The following PRDM15 variants were observed in gnomAD, a reference collection of about 807,000 sequenced individuals.
PRDM15 encodes PR domain zinc finger protein 15.
PRDM15 carries 64 observed loss-of-function variants against 128.6 expected under a neutral mutation model. The ratio of observed to expected loss-of-function variants is 0.50; its 90% confidence interval spans 0.41 to 0.61. The LOEUF is 0.61. Ranked by LOEUF, PRDM15 falls within the 20% of genes least tolerant of loss-of-function variation. The pLI, the probability that PRDM15 is intolerant of heterozygous loss-of-function variation, is 0.00. For synonymous variants in PRDM15, 615 were observed against 621.8 expected, an observed-to-expected ratio of 0.99 and a Z score of 0.16; for missense variants, 1,242 against 1,569.1, an observed-to-expected ratio of 0.79 and a Z score of 3.52.
In PRDM15 at chr21:41,835,492, AGT is replaced by A; in HGVS notation, c.1309_1310del (p.Thr437LeufsTer2). 2 of 1,610,556 alleles carry A rather than the reference AGT, an allele frequency of 1.2e-6. No homozygotes were observed. The highest frequency in any genetic ancestry group is 1.7e-6 in the Non-Finnish European group (2 of 1,179,780). ...TCTCGATGCGGAAGGTCTTCTCACAAGTGCCGCAGCGGTACCTGTACTCGCCG... is the reference window on the plus strand; with the variant it reads ...TCTCGATGCGGAAGGTCTTCTCACAAGCCGCAGCGGTACCTGTACTCGCCG... ...VDGEYRYRCG[T>X]CEKTFRIESA... On this transcript the variant is annotated frameshift_variant, in exon 11 of 24. Coordinates refer to ENST00000398548, the MANE Select transcript of PRDM15 (RefSeq NM_001040424.3). LOFTEE classifies it high-confidence loss of function.
At chr21:41,871,514 C>T (rs201021233) in intron 1 of PRDM15, 5 of 1,605,740 alleles carry the variant, frequency 3.1e-6, no homozygotes, top group East Asian at 2.2e-5. Flanking sequence ...GGCAGGATTG[C>T]GTCGCAGGCC....
chr21:41,806,413 C>G (rs2061633413), intron 21 of PRDM15, among the ~76,000 whole-genome samples: 1 of 46,722 alleles, frequency 2.1e-5, no homozygotes, highest in Non-Finnish European at 4.9e-5. Context: ...CCACCACCAT[C>G]ACCACCACCA....
chr21:41,876,189 G>T (rs2064407585), intron 1 of PRDM15, among the ~76,000 whole-genome samples: 1 of 152,184 alleles, frequency 6.6e-6, no homozygotes, highest in Non-Finnish European at 1.5e-5. Context: ...GAACACCACT[G>T]ATCAAAACAG....
chr21:41,828,834 C>T lies in PRDM15; in HGVS notation c.1367-501G>A, dbSNP rs1348508604. 1.3e-5 allele frequency among the ~76,000 whole-genome samples: 2 copies of T among 151,972 alleles called. No homozygotes were observed. Among genetic ancestry groups the T allele is most frequent in the Admixed American group, 1.3e-4 (2 of 15,260 alleles). ...CCCCTCCCAACTCCTTCCCCGTGGGCGGGCATCAATGTGCCCATATTCCCC... is the reference window on the plus strand; with the variant it reads ...CCCCTCCCAACTCCTTCCCCGTGGGTGGGCATCAATGTGCCCATATTCCCC... On this transcript the variant is annotated intron_variant, in intron 11 of 23. Transcript: ENST00000398548. This position sits in a 1 kb window ranked among gnomAD's most constrained non-coding sequence, Gnocchi z 5.7.
In PRDM15 at chr21:41,801,548, T is replaced by C. The variant is rs1442499037; in HGVS notation, c.3118A>G (p.Ile1040Val). ...ACGGTATCAAAGGTCACGGTCAGGA[T>C]TGAGTTGTCCAGCTGTAACTGGCGT... ...PERQLQLDNS[I>V]LTVTFDTVSG... The change falls in exon 24 of 24, where the codon ATC (isoleucine) becomes GTC (valine). Residue 1040 changes from isoleucine (I) to valine (V), a missense_variant. Around this residue, in one of 3 missense-constraint regions of PRDM15, gnomAD observed 602 missense variants for 788.3 expected, o/e 0.76. Transcript: ENST00000398548. The C allele has an allele frequency of 4.3e-6, 7 of 1,613,876 alleles. No individual in the cohort carries two copies. In the South Asian group the frequency reaches 5.5e-5, roughly 13 times the overall value.
chr21:41,837,037 T>C (rs962225595), intron 8 of PRDM15: 1 of 156,444 alleles, frequency 6.4e-6, no homozygotes, highest in Non-Finnish European at 1.4e-5. Flanking sequence ...CCCTGTTAAA[T>C]GTATTTTTGA....
chr21:41,838,069 C>G lies in PRDM15; in HGVS notation c.872-6G>C. 1 of 1,613,614 alleles carries G rather than the reference C, an allele frequency of 6.2e-7. No homozygotes were observed. Among genetic ancestry groups the G allele is most frequent in the Non-Finnish European group, 8.5e-7 (1 of 1,179,846 alleles). ...AATGATCTCTGCCACTTGCTCTGTA[C>G]GAAGGGGATGTGACAAGCTAAGTAA... On this transcript the variant is annotated splice_region_variant and splice_polypyrimidine_tract_variant and intron_variant, in intron 7 of 23. Transcript: ENST00000398548.
intron 5 of PRDM15, among the ~76,000 whole-genome samples, chr21:41,848,733 C>A (rs531642953): frequency 1.3e-5 from 2 of 152,304 alleles, no homozygotes; most frequent in Admixed American, 6.5e-5. Context: ...TCCACACCCC[C>A]ACAAGTGTGG....
At chr21:41,826,213 C>T (rs2062466200) in intron 12 of PRDM15, among the ~76,000 whole-genome samples, 159 bp from the exon 13 acceptor site, 1 of 152,236 alleles carries the variant, frequency 6.6e-6, no homozygotes, top group Admixed American at 6.5e-5. Flanking sequence ...ATCACTTGCA[C>T]ACTGTTTGGC....
chr21:41,842,111 A>T (rs2063090842), intron 6 of PRDM15, among the ~76,000 whole-genome samples: 1 of 152,248 alleles, frequency 6.6e-6, no homozygotes. Flanking sequence ...AAGTAAATAT[A>T]CAATAAAAAG....
intron 13 of PRDM15, among the ~76,000 whole-genome samples, chr21:41,824,719 G>C (rs1181413893): frequency 6.6e-6 from 1 of 152,116 alleles, no homozygotes; most frequent in Non-Finnish European, 1.5e-5. Flanking sequence ...CTCTACCCCA[G>C]CCCTGCCCCT....
At chr21:41,860,503 A>G (rs745828322) in intron 1 of PRDM15, 131 bp from the exon 2 acceptor site, 92 of 666,780 alleles carry the variant, frequency 1.4e-4, no homozygotes, top group Non-Finnish European at 2.2e-4. Flanking sequence ...GCTCACTGCA[A>G]CCTCTGCCTC....
At chr21:41,877,682 GTTCT>G (rs1268424310) in intron 1 of PRDM15, 5 of 152,200 alleles carry the variant, frequency 3.3e-5, no homozygotes, top group African/African-American at 1.2e-4. Flanking sequence ...AGTGAAAAGA[GTTCT>G]TTGTCAAATA....
At chr21:41,817,253 C>G (rs1208015601) in intron 18 of PRDM15, among the ~76,000 whole-genome samples, 3 of 152,206 alleles carry the variant, frequency 2.0e-5, no homozygotes, top group Non-Finnish European at 4.4e-5. Context: ...TTTCTAATCC[C>G]GAACAGGGGA....
At position 41,810,315 on chromosome 21, in the gene PRDM15, T is replaced by C. The variant is rs1236451434; in HGVS notation, c.2491A>G (p.Thr831Ala). 4.3e-6 allele frequency: 7 copies of C among 1,612,864 alleles called. No individual in the cohort carries two copies. The highest frequency in any genetic ancestry group is 2.2e-5 in the East Asian group (1 of 44,862). ...KLIHTVGKQW[T>A]CSVCDKKYVT... Reference sequence around the variant, plus strand: ...TACTTCTTGTCGCACACGGAGCACGTCCACTGCTTGCCCACTTTTCACACA... The same window carrying C: ...TACTTCTTGTCGCACACGGAGCACGCCCACTGCTTGCCCACTTTTCACACA... The change falls in exon 21 of 24, where the codon ACG becomes GCG. Residue 831 changes from threonine to alanine, a missense_variant. This residue lies in a region of PRDM15 where 602 missense variants were observed against 788.3 expected (regional missense o/e 0.76). Coordinates refer to ENST00000398548, the MANE Select transcript of PRDM15 (RefSeq NM_001040424.3). This position sits in a 1 kb window ranked among gnomAD's most constrained non-coding sequence, Gnocchi z 6.4.
At chr21:41,871,085 T>A (rs2064191464) in intron 1 of PRDM15, among the ~76,000 whole-genome samples, 1 of 152,150 alleles carries the variant, frequency 6.6e-6, no homozygotes, top group Non-Finnish European at 1.5e-5. Context: ...GACATGTAGA[T>A]AAAACACAGA....
chr21:41,872,216 C>G (rs1490872420), intron 1 of PRDM15, among the ~76,000 whole-genome samples: 1 of 152,178 alleles, frequency 6.6e-6, no homozygotes, highest in African/African-American at 2.4e-5. Context: ...GGCGGCCATT[C>G]AAGCCTCTTT....
intron 14 of PRDM15, 80 bp downstream of exon 14, chr21:41,823,238 T>C (rs1183725501): frequency 6.4e-7 from 1 of 1,552,062 alleles, no homozygotes. Flanking sequence ...CACAGAACTC[T>C]GCTATGGCTG....
chr21:41,812,416 T>G (rs954120617), intron 19 of PRDM15: 4 of 152,142 alleles, frequency 2.6e-5, no homozygotes, highest in Non-Finnish European at 5.9e-5. Flanking sequence ...GTAGGTGGCC[T>G]TGTGGTGGAA....
Sources: allele counts gnomAD v4.1 joint callset (sites outside exome capture counted in the v4.1 genomes callset), GRCh38; gene constraint gnomAD v4.1.1; regional missense constraint gnomAD v4.1.1; non-coding constraint Gnocchi (gnomAD v3.1); transcripts MANE v1.5; gene names NCBI Gene and HGNC (gene_info 2026-07-23, HGNC 2026-07-21).